BBS9: variants seen among roughly 807,000 people sequenced by gnomAD.
The protein encoded by BBS9 is protein PTHB1.
Under a neutral mutation model 117.7 loss-of-function variants are expected in BBS9, and 89 were observed. The ratio of observed to expected loss-of-function variants is 0.76; its 90% CI spans 0.64 to 0.90. The LOEUF is 0.90. BBS9 is among the 40% of genes least tolerant of loss of function. BBS9 has a pLI of 0.00. For missense variants in BBS9, 982 were observed against 1,042.2 expected (o/e 0.94, Z 0.80); for synonymous variants, 379 against 370.9 (o/e 1.02, Z -0.25).
At chr7:33,368,596 A>G (rs1205519016) in intron 17 of BBS9, among the ~76,000 whole-genome samples, 2 of 151,390 alleles carry the variant, frequency 1.3e-5, no homozygotes, top group African/African-American at 2.4e-5. Context: ...ACACACACAC[A>G]CACACACACA....
At chr7:33,168,046 A>G (rs968471816) in intron 4 of BBS9, among the ~76,000 whole-genome samples, 1 of 152,210 alleles carries the variant, frequency 6.6e-6, no homozygotes, top group Non-Finnish European at 1.5e-5. Context: ...TATTAATAAC[A>G]TATTCATTAA....
At chr7:33,622,912 G>C (rs1393189227) in intron 21 of BBS9, among the ~76,000 whole-genome samples, 1 of 152,144 alleles carries the variant, frequency 6.6e-6, no homozygotes, top group Non-Finnish European at 1.5e-5. Flanking sequence ...ATACAGAAAA[G>C]TCAATTTTGG....
chr7:33,177,862 C>A, intron 5 of BBS9: 1 of 362,562 alleles, frequency 2.8e-6, no homozygotes. Context: ...AAAAAAAAAC[C>A]TTTAAACATT....
intron 12 of BBS9, chr7:33,346,446 A>G: frequency 4.4e-6 from 1 of 225,286 alleles, no homozygotes; most frequent in Non-Finnish European, 9.2e-6. Context: ...TATATTTCCT[A>G]AGGGTTATAT....
intron 15 of BBS9, among the ~76,000 whole-genome samples, chr7:33,356,879 G>A (rs1214737300): frequency 1.3e-5 from 2 of 151,806 alleles, no homozygotes; most frequent in Non-Finnish European, 1.5e-5. Flanking sequence ...GATTCATCAA[G>A]TAGAGTTAGA....
At chr7:33,384,599 A>G (rs1825683784) in intron 18 of BBS9, among the ~76,000 whole-genome samples, 1 of 152,124 alleles carries the variant, frequency 6.6e-6, no homozygotes, top group African/African-American at 2.4e-5. Flanking sequence ...CACTCTACAG[A>G]CAATACAAGA....
chr7:33,145,937 T>A, intron 1 of BBS9, among the ~76,000 whole-genome samples: 1 of 152,228 alleles, frequency 6.6e-6, no homozygotes, highest in Non-Finnish European at 1.5e-5. Context: ...GGAATTTGAA[T>A]CTTGATCCTC....
intron 18 of BBS9, among the ~76,000 whole-genome samples, chr7:33,385,987 G>C (rs549843255): frequency 2.0e-5 from 3 of 152,096 alleles, no homozygotes; most frequent in African/African-American, 4.8e-5. Flanking sequence ...GTTGTGGGGT[G>C]GGGGGAGCGG....
chr7:33,374,487 A>G (rs557853368), intron 17 of BBS9, among the ~76,000 whole-genome samples: 1 of 152,324 alleles, frequency 6.6e-6, no homozygotes, highest in African/African-American at 2.4e-5. Context: ...TCTTAGCAAT[A>G]TTATCAAGTG....
At chr7:33,484,425 C>T (rs963626901) in intron 19 of BBS9, among the ~76,000 whole-genome samples, 2 of 152,072 alleles carry the variant, frequency 1.3e-5, no homozygotes, top group African/African-American at 4.8e-5. Context: ...TTTAAAGAAA[C>T]AGAACACATA....
At chr7:33,140,875 C>G (rs1425011739) in intron 1 of BBS9, among the ~76,000 whole-genome samples, 1 of 152,204 alleles carries the variant, frequency 6.6e-6, no homozygotes. Context: ...TATTTGTTCA[C>G]TTCCATCAAC....
intron 5 of BBS9, among the ~76,000 whole-genome samples, chr7:33,179,851 A>G (rs1797851047): frequency 6.6e-6 from 1 of 152,180 alleles, no homozygotes; most frequent in Non-Finnish European, 1.5e-5. Context: ...TATCAGATCA[A>G]GTTAACCCTG....
At chr7:33,544,242 AT>A (rs1395967283) in intron 21 of BBS9, among the ~76,000 whole-genome samples, 3 of 151,992 alleles carry the variant, frequency 2.0e-5, no homozygotes, top group Admixed American at 2.0e-4. Flanking sequence ...AGCTAGCGTG[AT>A]TTTTTTGGTG....
At chr7:33,409,708 G>T (rs544152613) in intron 19 of BBS9, among the ~76,000 whole-genome samples, 1 of 152,160 alleles carries the variant, frequency 6.6e-6, no homozygotes, top group Non-Finnish European at 1.5e-5. Flanking sequence ...AGTCATTCTA[G>T]TAGGTGTGTA....
rs116991777 is a variant in BBS9 at position 33,569,265 on chromosome 7, G to A, written c.2521+35089G>A. ...TAGTGAATTTGTGTATCCTAGCAGT[G>A]TGGATTATCAATTCTGAAACTGCTT... is the stretch of plus-strand genomic sequence containing the variant. On this transcript the variant is annotated intron_variant, in intron 21 of 22. Transcript: ENST00000242067. Among the ~76,000 whole-genome samples the A allele has an allele frequency of 4.4e-3, 677 of 152,266 alleles. 2 individuals carry two copies. The highest frequency in any genetic ancestry group is 7.8e-3 in the Non-Finnish European group (531 of 68,010).
At position 33,137,441 on chromosome 7, in the gene BBS9, G is replaced by C. The variant is rs1453780427; in HGVS notation, c.-12+7400G>C. On this transcript the variant is annotated intron_variant, in intron 1 of 22. Transcript: ENST00000242067. ...CTGGTAGGGGGCGGGGCTCCTGCCT[G>C]TTCCCAGCCCCCACTGGCTCCGCAG... is the stretch of plus-strand genomic sequence containing the variant. Among the ~76,000 whole-genome samples, 3 of 152,198 alleles carry C rather than the reference G, an allele frequency of 2.0e-5. No individual in the cohort carries two copies. In the East Asian group the frequency reaches 5.8e-4, roughly 29 times the overall value.
chr7:33,394,678 A>G (rs897161444), intron 19 of BBS9, among the ~76,000 whole-genome samples: 1 of 152,210 alleles, frequency 6.6e-6, no homozygotes, highest in Non-Finnish European at 1.5e-5. Context: ...TCTTCTTTTC[A>G]GTAGTTAGAA....
At chr7:33,402,448 C>G (rs1043392291) in intron 19 of BBS9, among the ~76,000 whole-genome samples, 1 of 152,160 alleles carries the variant, frequency 6.6e-6, no homozygotes, top group Non-Finnish European at 1.5e-5. Flanking sequence ...ACCACTACCA[C>G]AATCCAATTT....
chr7:33,228,747 A>G (rs1791767470), intron 5 of BBS9, among the ~76,000 whole-genome samples: 1 of 152,198 alleles, frequency 6.6e-6, no homozygotes. Context: ...CATTGAGTCT[A>G]AGTGGGTTAT....
Sources: allele counts gnomAD v4.1 joint callset (sites outside exome capture counted in the v4.1 genomes callset), GRCh38; gene constraint gnomAD v4.1.1; transcripts MANE v1.5; gene names NCBI Gene and HGNC (gene_info 2026-07-23, HGNC 2026-07-21).